The following SCAF11 variants were observed in gnomAD, a reference collection of about 807,000 sequenced individuals.
The protein encoded by SCAF11 is protein SCAF11.
In SCAF11, 47 loss-of-function variants were observed where a neutral mutation model predicts 140.5. The observed-to-expected ratio is 0.33, with a 90% confidence interval of 0.26 to 0.43. The LOEUF is 0.43. Ranked by LOEUF, SCAF11 falls within the 20% of genes least tolerant of loss-of-function variation. The pLI is 1.00. For missense variants in SCAF11, 1,645 were observed against 1,705.1 expected (o/e 0.96, Z 0.62); for synonymous variants, 557 against 579.4 (o/e 0.96, Z 0.55).
At chr12:45,978,126 T>C (rs954367964) in intron 1 of SCAF11, among the ~76,000 whole-genome samples, 1 of 152,122 alleles carries the variant, frequency 6.6e-6, no homozygotes, top group Non-Finnish European at 1.5e-5. Flanking sequence ...GTCTGAAAAA[T>C]CATCAAATGA....
At chr12:45,979,857 G>T (rs986838395) in intron 1 of SCAF11, among the ~76,000 whole-genome samples, 2 of 151,078 alleles carry the variant, frequency 1.3e-5, no homozygotes, top group Middle Eastern at 6.8e-3. Flanking sequence ...CCCAGATACC[G>T]ATTGTATTAC....
chr12:45,971,121 A>G (rs1946062241), intron 1 of SCAF11, among the ~76,000 whole-genome samples: 1 of 152,228 alleles, frequency 6.6e-6, no homozygotes, highest in Non-Finnish European at 1.5e-5. Flanking sequence ...AAGTTCATCA[A>G]GTGTTCTAAA....
chr12:45,959,327 T>A (rs990636528), intron 3 of SCAF11, among the ~76,000 whole-genome samples: 10 of 152,188 alleles, frequency 6.6e-5, no homozygotes, highest in South Asian at 2.1e-4. Context: ...ACCAATTTTT[T>A]AAAAAGATTT....
In SCAF11 at chr12:45,927,725, T is replaced by G; in HGVS notation, c.1976A>C (p.Asn659Thr). 6.2e-7 allele frequency: 1 copy of G among 1,612,262 alleles called. No individual in the cohort carries two copies. The highest frequency in any genetic ancestry group is 1.1e-5 in the South Asian group (1 of 90,846). ...TAAGTTATTTTCAGAGTCTTGAATA[T>G]TATTGAAATCTTCATTCCCAAAAGT... is the stretch of plus-strand genomic sequence containing the variant. The part of the protein sequence containing the change: ...CDTFGNEDFN[N>T]IQDSENNLLK... The change falls in exon 11 of 15, where the codon AAT becomes ACT. Residue 659 changes from asparagine to threonine, a missense_variant. Asn to Thr is a moderately conservative substitution (Grantham distance 65). Transcript: ENST00000369367.
intron 2 of SCAF11, 74 bp from the exon 3 acceptor site, chr12:45,961,931 G>T: frequency 8.4e-7 from 1 of 1,196,110 alleles, no homozygotes. Context: ...GGAGTATAGT[G>T]GATTAGATAC....
At chr12:45,943,290 A>T (rs1945347533) in intron 6 of SCAF11, among the ~76,000 whole-genome samples, 2 of 152,162 alleles carry the variant, frequency 1.3e-5, no homozygotes, top group African/African-American at 2.4e-5. Flanking sequence ...GCCCAAAAAT[A>T]TTAAGTGGAA....
intron 1 of SCAF11, among the ~76,000 whole-genome samples, chr12:45,972,784 A>T (rs1458866489): frequency 6.8e-6 from 1 of 147,720 alleles, no homozygotes; most frequent in Non-Finnish European, 1.5e-5. Context: ...CACCACCAAG[A>T]TGATACAGCT....
intron 3 of SCAF11, among the ~76,000 whole-genome samples, chr12:45,957,494 A>G (rs897144621): frequency 8.5e-5 from 13 of 152,268 alleles, no homozygotes; most frequent in African/African-American, 3.1e-4. Context: ...TGTCACCTTA[A>G]TAAGACACTT....
intron 1 of SCAF11, among the ~76,000 whole-genome samples, chr12:45,964,551 C>A (rs180754712): frequency 6.6e-5 from 10 of 151,984 alleles, no homozygotes; most frequent in African/African-American, 2.2e-4. Flanking sequence ...CCTGTAGTCC[C>A]AGCTGCTCGG....
chr12:45,990,625 G>C (rs1462391892), upstream of SCAF11: 4 of 1,197,032 alleles, frequency 3.3e-6, no homozygotes, highest in African/African-American at 1.6e-5. Flanking sequence ...CTCCCTGCGC[G>C]TCTCCCTCCT....
chr12:45,939,889 G>A (rs1342516450), intron 6 of SCAF11, among the ~76,000 whole-genome samples: 3 of 152,102 alleles, frequency 2.0e-5, no homozygotes, highest in Non-Finnish European at 2.9e-5. Context: ...AGTGTAACTG[G>A]GTAAATAAAG....
intron 9 of SCAF11, among the ~76,000 whole-genome samples, chr12:45,931,945 A>T (rs1203272478): frequency 1.3e-5 from 2 of 152,120 alleles, no homozygotes; most frequent in African/African-American, 4.8e-5. Context: ...CATGTTCTTC[A>T]CTACTCTAAA....
intron 3 of SCAF11, among the ~76,000 whole-genome samples, chr12:45,952,170 C>T (rs1046248847): frequency 6.6e-6 from 1 of 152,108 alleles, no homozygotes; most frequent in Non-Finnish European, 1.5e-5. Context: ...GCAATAAAAA[C>T]ATTTGAAAGA....
Position 45,938,725 on chromosome 12 carries a change from G to A in SCAF11, c.464-4220C>T, listed in dbSNP as rs561177626. 2.0e-5 allele frequency among the ~76,000 whole-genome samples: 3 copies of A among 151,314 alleles called. No homozygotes were observed. In the East Asian group the frequency reaches 5.8e-4, roughly 29 times the overall value. On this transcript the variant is annotated intron_variant, in intron 6 of 14. Coordinates refer to ENST00000369367, the MANE Select transcript of SCAF11 (RefSeq NM_004719.3). ...ACATCCTTTTGTACGATACAAACAA[G>A]TATAATAAAGGCTCTGAGCTTAGAA...
intron 6 of SCAF11, among the ~76,000 whole-genome samples, chr12:45,938,907 T>C (rs943442434): frequency 4.7e-5 from 7 of 148,562 alleles, no homozygotes; most frequent in African/African-American, 1.8e-4. Flanking sequence ...AATTATAAAC[T>C]ACTATCCCAA....
Position 45,990,480 on chromosome 12 carries a change from A to C in SCAF11, c.-149T>G. The C allele has an allele frequency of 8.1e-7, 1 of 1,231,860 alleles. No individual in the cohort carries two copies. Among genetic ancestry groups the C allele is most frequent in the Non-Finnish European group, 1.0e-6 (1 of 988,156 alleles). The allele number at this position is 1,231,860 out of a possible 1,614,324, so 76.3% of individuals were successfully genotyped here. A position where few individuals can be genotyped will look rare whatever the true frequency, so the allele number is the denominator to read the frequency against. Reference sequence around the variant, plus strand: ...CGCTTTGTGGTGTTACAGGGTCTCTAGGACACTGACTCCGCTGGCTCGGTC... The same window carrying C: ...CGCTTTGTGGTGTTACAGGGTCTCTCGGACACTGACTCCGCTGGCTCGGTC... On this transcript the variant is annotated 5_prime_UTR_variant, in exon 1 of 15. Transcript: ENST00000369367.
At chr12:45,961,572 C>T in intron 3 of SCAF11, 128 bp downstream of exon 3, 1 of 764,890 alleles carries the variant, frequency 1.3e-6, no homozygotes, top group Non-Finnish European at 2.0e-6. Flanking sequence ...TTGAATAATA[C>T]AAGGAAATTT....
chr12:45,985,527 G>A (rs1355442187), intron 1 of SCAF11, among the ~76,000 whole-genome samples: 3 of 152,074 alleles, frequency 2.0e-5, no homozygotes, highest in Non-Finnish European at 4.4e-5. Flanking sequence ...GATGGACCCA[G>A]CTATAGATAC....
intron 10 of SCAF11, 83 bp downstream of exon 10, chr12:45,931,423 G>T: frequency 1.5e-6 from 1 of 660,978 alleles, no homozygotes; most frequent in Non-Finnish European, 2.3e-6. Flanking sequence ...GCTTTTCTAA[G>T]TCATCAAACA....
Sources: gnomAD v4.1 joint callset for allele counts (sites outside exome capture counted in the v4.1 genomes callset) on GRCh38, gnomAD v4.1.1 for gene constraint, MANE v1.5 for transcripts, NCBI Gene and HGNC (gene_info 2026-07-23, HGNC 2026-07-21) for gene names.